Variants in CNTNAP2 observed in about 807,000 individuals in gnomAD.
CNTNAP2 encodes the protein contactin associated protein 2.
A neutral mutation model predicts 155.2 loss-of-function variants in CNTNAP2; 98 were observed. The observed-to-expected ratio is 0.63, with a 90% CI of 0.54 to 0.75. CNTNAP2 has a LOEUF of 0.75. Ranked by LOEUF, CNTNAP2 falls within the 30% of genes least tolerant of loss-of-function variation. The pLI is 0.00. For missense variants in CNTNAP2, 1,727 were observed against 1,688.1 expected, an observed-to-expected ratio of 1.02 and a Z score of -0.40; for synonymous variants, 651 against 631.2, an observed-to-expected ratio of 1.03 and a Z score of -0.47.
At chr7:146,636,390 T>C (rs13227763) in intron 1 of CNTNAP2, among the ~76,000 whole-genome samples, 76,129 of 151,724 alleles carry the variant, frequency 0.5, 19,717 homozygotes, top group Non-Finnish European at 0.56. Context: ...TACACACACA[T>C]ATGAAATTCA....
intron 1 of CNTNAP2, among the ~76,000 whole-genome samples, chr7:146,266,300 T>A (rs1484445757): frequency 1.3e-5 from 2 of 152,196 alleles, no homozygotes; most frequent in African/African-American, 4.8e-5. Flanking sequence ...ATCCTGAGTG[T>A]CTAGCCTTCC....
chr7:148,166,431 CA>C (rs1359472195), intron 17 of CNTNAP2, among the ~76,000 whole-genome samples: 1 of 151,680 alleles, frequency 6.6e-6, no homozygotes, highest in Non-Finnish European at 1.5e-5. Context: ...TCTCTTTGGG[CA>C]AAAGTACTCA....
intron 1 of CNTNAP2, among the ~76,000 whole-genome samples, chr7:146,482,917 TAA>T: frequency 6.6e-6 from 1 of 152,178 alleles, no homozygotes; most frequent in African/African-American, 2.4e-5. Context: ...TTTAAATTAT[TAA>T]AAGTGTTTCT....
At chr7:146,723,359 C>G (rs992837503) in intron 1 of CNTNAP2, among the ~76,000 whole-genome samples, 1 of 152,138 alleles carries the variant, frequency 6.6e-6, no homozygotes, top group Non-Finnish European at 1.5e-5. Flanking sequence ...CTTCTAAACT[C>G]CACAATTCTG....
chr7:146,570,753 T>C (rs1305604951), intron 1 of CNTNAP2, among the ~76,000 whole-genome samples: 4 of 152,040 alleles, frequency 2.6e-5, no homozygotes, highest in South Asian at 2.1e-4. Flanking sequence ...AGAGTAATAA[T>C]AATGATATTA....
chr7:146,200,706 G>T (rs1310701898), intron 1 of CNTNAP2, among the ~76,000 whole-genome samples: 2 of 152,096 alleles, frequency 1.3e-5, no homozygotes, highest in African/African-American at 4.8e-5. Flanking sequence ...GTGTCTAGTA[G>T]ATTATGCCAT....
chr7:146,710,164 TGGATTAGGATTA>T (rs199765100), intron 1 of CNTNAP2, among the ~76,000 whole-genome samples: 1 of 152,034 alleles, frequency 6.6e-6, no homozygotes, highest in African/African-American at 2.4e-5. Flanking sequence ...GAATGAAACA[TGGATTAGGATTA>T]GGATTAGGAG....
chr7:148,016,530 G>A (rs1802179708), intron 15 of CNTNAP2, among the ~76,000 whole-genome samples: 1 of 152,210 alleles, frequency 6.6e-6, no homozygotes. Context: ...GAGAGGCAGA[G>A]GTGGAGACGT....
At chr7:146,250,356 G>A (rs776256881) in intron 1 of CNTNAP2, among the ~76,000 whole-genome samples, 7 of 152,152 alleles carry the variant, frequency 4.6e-5, no homozygotes, top group Non-Finnish European at 8.8e-5. Flanking sequence ...AGTGTTGCTC[G>A]TTAATTTTGA....
intron 15 of CNTNAP2, among the ~76,000 whole-genome samples, chr7:148,058,065 A>G (rs112225923): frequency 0.01 from 1,573 of 151,850 alleles, 8 homozygotes; most frequent in Non-Finnish European, 0.013. Flanking sequence ...GTTTATTGGT[A>G]TAATCCTGCT....
chr7:147,870,985 T>C (rs987749166), intron 13 of CNTNAP2, among the ~76,000 whole-genome samples: 1 of 152,094 alleles, frequency 6.6e-6, no homozygotes, highest in Admixed American at 6.5e-5. Context: ...GGAAGGAGGC[T>C]TTCCAGCATA....
chr7:148,045,086 A>G (rs144206946), intron 15 of CNTNAP2, among the ~76,000 whole-genome samples: 1 of 152,282 alleles, frequency 6.6e-6, no homozygotes, highest in East Asian at 1.9e-4. Context: ...CTCAGGTGAG[A>G]CAAAGAGGAG....
In CNTNAP2 at chr7:147,931,698, G is replaced by T. The variant is rs79489421; in HGVS notation, c.2255+27977G>T. ...ATAAACTTAAGAAGGTGAAAGACTTGTATGCTGAAAACTATGAAACATTGA... is the reference window on the plus strand; with the variant it reads ...ATAAACTTAAGAAGGTGAAAGACTTTTATGCTGAAAACTATGAAACATTGA... On this transcript the variant is annotated intron_variant, in intron 14 of 23. Coordinates refer to ENST00000361727, the MANE Select transcript of CNTNAP2 (RefSeq NM_014141.6). 4.8e-3 allele frequency among the ~76,000 whole-genome samples: 738 copies of T among 152,206 alleles called. 2 individuals carry two copies. Among genetic ancestry groups the T allele is most frequent in the Middle Eastern group, 0.014 (4 of 292 alleles).
At chr7:147,897,058 T>C (rs1799787610) in intron 13 of CNTNAP2, 1 of 152,236 alleles carries the variant, frequency 6.6e-6, no homozygotes, top group African/African-American at 2.4e-5. Context: ...CCTGGGCTTC[T>C]GAGCACTCTC....
intron 1 of CNTNAP2, among the ~76,000 whole-genome samples, chr7:146,490,604 T>C (rs1243541049): frequency 6.6e-6 from 1 of 152,224 alleles, no homozygotes; most frequent in East Asian, 1.9e-4. Context: ...ACCTGCTATA[T>C]GTAAGGTTCT....
At chr7:147,965,304 G>A (rs1361555691) in intron 14 of CNTNAP2, among the ~76,000 whole-genome samples, 1 of 152,062 alleles carries the variant, frequency 6.6e-6, no homozygotes, top group East Asian at 1.9e-4. Flanking sequence ...AGACATATGG[G>A]ATAAAACATA....
At chr7:146,151,694 A>ATG (rs1798052762) in intron 1 of CNTNAP2, among the ~76,000 whole-genome samples, 57 of 41,244 alleles carry the variant, frequency 1.4e-3, no homozygotes, top group African/African-American at 5.8e-3. Flanking sequence ...ATATATATAT[A>ATG]TATGTATATA....
In CNTNAP2 at chr7:147,540,369, C is replaced by T. The variant is rs1799617040; in HGVS notation, c.1778-21769C>T. 2.6e-5 allele frequency among the ~76,000 whole-genome samples: 4 copies of T among 152,132 alleles called. No homozygotes were observed. The South Asian group carries it at 8.3e-4, about 32-fold the overall frequency. ...TTTTTCAGAATGCAGCTTAATACCT[C>T]CAAAGAAAGTCACCTCTAACCCAGA... On this transcript the variant is annotated intron_variant, in intron 11 of 23. Transcript: ENST00000361727.
At position 146,971,040 on chromosome 7, in the gene CNTNAP2, A is replaced by C. The variant is rs574522302; in HGVS notation, c.403-72867A>C. Among the ~76,000 whole-genome samples the C allele has an allele frequency of 7.9e-5, 12 of 152,294 alleles. No homozygotes were observed. The South Asian group carries it at 2.5e-3, about 32-fold the overall frequency. On this transcript the variant is annotated intron_variant, in intron 3 of 23. Transcript: ENST00000361727. Reference sequence around the variant, plus strand: ...AACACATGGACACAGGAAGGGGAACATCACACTCTGCAGACTGTTGTGGGG... The same window carrying C: ...AACACATGGACACAGGAAGGGGAACCTCACACTCTGCAGACTGTTGTGGGG...
Sources: allele counts gnomAD v4.1 joint callset (sites outside exome capture counted in the v4.1 genomes callset), GRCh38; gene constraint gnomAD v4.1.1; transcripts MANE v1.5; gene names NCBI Gene and HGNC (gene_info 2026-07-23, HGNC 2026-07-21).